PXDNL: variants seen among roughly 807,000 people sequenced by gnomAD.
PXDNL encodes the protein probable oxidoreductase PXDNL.
A neutral mutation model predicts 150.8 loss-of-function variants in PXDNL; 145 were observed. The ratio of observed to expected loss-of-function variants is 0.96; its 90% CI spans 0.84 to 1.10. PXDNL has a LOEUF of 1.10. Ranked by LOEUF, PXDNL falls within the 50% of genes least tolerant of loss-of-function variation. The probability of loss-of-function intolerance (pLI) is 0.00; values close to 1 mark genes in which losing one functional copy is unlikely to be tolerated. For missense variants in PXDNL, 2,087 were observed against 1,873.9 expected (o/e 1.11, Z -2.10); for synonymous variants, 757 against 725.7 (o/e 1.04, Z -0.69).
chr8:51,358,067 G>T (rs1293805258), intron 19 of PXDNL, among the ~76,000 whole-genome samples: 1 of 152,188 alleles, frequency 6.6e-6, no homozygotes, highest in African/African-American at 2.4e-5. Context: ...TAAACATGAT[G>T]TCACACCAAA....
At chr8:51,337,845 C>A (rs1805874243) in intron 21 of PXDNL, among the ~76,000 whole-genome samples, 1 of 150,156 alleles carries the variant, frequency 6.7e-6, no homozygotes, top group Non-Finnish European at 1.5e-5. Context: ...TGCACTCCAG[C>A]CTGGGCAACA....
At chr8:51,387,827 A>G (rs1480788055) in intron 17 of PXDNL, among the ~76,000 whole-genome samples, 1 of 152,162 alleles carries the variant, frequency 6.6e-6, no homozygotes, top group East Asian at 1.9e-4. Context: ...TGGGTTTTAT[A>G]ACTGTATATT....
rs1174312199 is a variant in PXDNL, at chr8:51,411,313, G to C, written c.1999C>G (p.His667Asp). 6.3e-7 allele frequency: 1 copy of C among 1,583,146 alleles called. No homozygotes were observed. The highest frequency in any genetic ancestry group is 8.6e-7 in the Non-Finnish European group (1 of 1,167,300). ...EMARAGEIFE[H>D]TLQLIRERVK... ...CGTTCCCGTATCAGCTGCAGCGTGT[G>C]CTCAAAAATCTCCCCTGCTCTTGCC... The change falls in exon 16 of 23, where the codon CAC (histidine) becomes GAC (aspartate). Residue 667 changes from histidine (H) to aspartate (D), a missense_variant. His to Asp is a moderately conservative substitution (Grantham distance 81). Coordinates refer to ENST00000356297, the MANE Select transcript of PXDNL (RefSeq NM_144651.5).
chr8:51,707,493 T>TGTTTG, intron 1 of PXDNL, among the ~76,000 whole-genome samples: 1 of 152,362 alleles, frequency 6.6e-6, no homozygotes, highest in East Asian at 1.9e-4. Context: ...GTTTCATTTT[T>TGTTTG]GTTTGGTTTG....
intron 2 of PXDNL, among the ~76,000 whole-genome samples, chr8:51,608,057 GC>G (rs879439984): frequency 0.21 from 19,040 of 92,738 alleles, 1,935 homozygotes; most frequent in Non-Finnish European, 0.23. Flanking sequence ...AAGAAAGAAA[GC>G]AAGCAAGCAA....
At chr8:51,598,103 C>T (rs188264308) in intron 2 of PXDNL, among the ~76,000 whole-genome samples, 3 of 152,214 alleles carry the variant, frequency 2.0e-5, no homozygotes, top group East Asian at 3.9e-4. Flanking sequence ...ATTTTGTATC[C>T]TGAACTTTGT....
chr8:51,508,291 ACT>A (rs1382246721), intron 4 of PXDNL, among the ~76,000 whole-genome samples: 5 of 152,246 alleles, frequency 3.3e-5, no homozygotes, highest in Non-Finnish European at 5.9e-5. Flanking sequence ...GGCAAAGTCA[ACT>A]GTGAAATGTA....
At chr8:51,778,800 G>A (rs1375678405) in intron 1 of PXDNL, among the ~76,000 whole-genome samples, 1 of 152,138 alleles carries the variant, frequency 6.6e-6, no homozygotes, top group East Asian at 1.9e-4. Context: ...CTTCTTTTTG[G>A]CATTCCAATT....
intron 2 of PXDNL, among the ~76,000 whole-genome samples, chr8:51,621,943 C>A (rs201493082): frequency 0.016 from 2,015 of 127,984 alleles, no homozygotes; most frequent in Non-Finnish European, 0.02. Context: ...GACCCTGTCT[C>A]AAAAAAAAAA....
At chr8:51,485,246 A>G (rs772285783) in intron 5 of PXDNL, among the ~76,000 whole-genome samples, 3 of 152,168 alleles carry the variant, frequency 2.0e-5, no homozygotes, top group Non-Finnish European at 4.4e-5. Flanking sequence ...GAGAAGATAA[A>G]AAGTTTTCCT....
At chr8:51,789,040 C>T (rs2037486242) in intron 1 of PXDNL, among the ~76,000 whole-genome samples, 1 of 151,918 alleles carries the variant, frequency 6.6e-6, no homozygotes, top group African/African-American at 2.4e-5. Context: ...TTTTAATACC[C>T]CATTTATTTG....
intron 2 of PXDNL, among the ~76,000 whole-genome samples, chr8:51,616,873 CTTA>C (rs1226197183): frequency 1.3e-5 from 2 of 152,068 alleles, no homozygotes; most frequent in Non-Finnish European, 2.9e-5. Context: ...CTCTAGATTG[CTTA>C]TAATATAATA....
chr8:51,409,291 G>T lies in PXDNL; in HGVS notation c.2333C>A (p.Pro778Gln). ...GLPVGSRQPL[P>Q]PPRLVATVWA... ...CACTGTGGCGACCAGCCGGGGCGGC[G>T]GGAGGGGCTGGCGGGAGCCCACAGG... The change falls in exon 17 of 23, where the codon CCG becomes CAG. Residue 778 changes from proline to glutamine, a missense_variant. By Grantham distance (76) the Pro-to-Gln change is moderately conservative (BLOSUM62 -1). Coordinates refer to ENST00000356297, the MANE Select transcript of PXDNL (RefSeq NM_144651.5). 10 of 1,422,698 alleles carry T rather than the reference G, an allele frequency of 7.0e-6. No homozygotes were observed. The highest frequency in any genetic ancestry group is 8.2e-6 in the Non-Finnish European group (9 of 1,095,360). 88.1% of individuals were successfully genotyped at this position (1,422,698 alleles called of 1,614,324 possible). A position where few individuals can be genotyped will look rare whatever the true frequency, so the allele number is the denominator to read the frequency against.
intron 13 of PXDNL, among the ~76,000 whole-genome samples, chr8:51,425,867 C>G (rs140510465): frequency 1.3e-5 from 2 of 151,848 alleles, no homozygotes; most frequent in African/African-American, 4.8e-5. Flanking sequence ...GGACATGAAC[C>G]GAAAGACACC....
intron 1 of PXDNL, among the ~76,000 whole-genome samples, chr8:51,700,304 TATACACACATACAAAAATAA>T (rs1563511525): frequency 4.0e-5 from 6 of 151,638 alleles, no homozygotes; most frequent in Admixed American, 2.6e-4. Context: ...TGTACACATG[TATACACACATACAAAAATAA>T]ATACACACAT....
chr8:51,681,134 G>GA (rs1230732851), intron 1 of PXDNL, among the ~76,000 whole-genome samples: 1 of 152,110 alleles, frequency 6.6e-6, no homozygotes, highest in Admixed American at 6.5e-5. Flanking sequence ...GCATGGAGCT[G>GA]ACCCATTCAA....
chr8:51,517,083 C>T (rs1270295153), intron 4 of PXDNL, among the ~76,000 whole-genome samples: 2 of 152,076 alleles, frequency 1.3e-5, no homozygotes, highest in Non-Finnish European at 2.9e-5. Flanking sequence ...TATTTCAATT[C>T]ATTGTAACCT....
intron 1 of PXDNL, among the ~76,000 whole-genome samples, chr8:51,797,856 C>A (rs12243517): frequency 0.035 from 5,267 of 152,242 alleles, 325 homozygotes; most frequent in East Asian, 0.29. Context: ...CAAAAAAGAG[C>A]CTGTATAGCC....
intron 1 of PXDNL, among the ~76,000 whole-genome samples, chr8:51,753,715 A>C (rs2037069947): frequency 6.6e-6 from 1 of 152,256 alleles, no homozygotes; most frequent in Non-Finnish European, 1.5e-5. Flanking sequence ...TGAAAAATCA[A>C]GTACATAACG....
Sources: allele counts gnomAD v4.1 joint callset (sites outside exome capture counted in the v4.1 genomes callset), GRCh38; gene constraint gnomAD v4.1.1; transcripts MANE v1.5; gene names NCBI Gene and HGNC (gene_info 2026-07-23, HGNC 2026-07-21).